The following GPC5 variants were observed in gnomAD, a reference collection of about 807,000 sequenced individuals.
GPC5 encodes the protein glypican-5.
In GPC5, 47 loss-of-function variants were observed where a neutral mutation model predicts 53.9. The observed-to-expected ratio is 0.87, with a 90% confidence interval of 0.69 to 1.11. The LOEUF is 1.11. Among genes scored for constraint, GPC5 ranks in the 50% most tolerant of loss-of-function variants. GPC5 has a pLI of 0.00. For synonymous variants in GPC5, 286 were observed against 263.3 expected (o/e 1.09, Z -0.84); for missense variants, 748 against 713.1 (o/e 1.05, Z -0.56).
chr13:92,649,996 G>A (rs1885901560), intron 7 of GPC5, among the ~76,000 whole-genome samples: 1 of 151,980 alleles, frequency 6.6e-6, no homozygotes, highest in Non-Finnish European at 1.5e-5. Flanking sequence ...AAACCATGTA[G>A]AACTTTAAAT....
chr13:92,721,874 G>T (rs1266089138), intron 7 of GPC5, among the ~76,000 whole-genome samples: 1 of 152,078 alleles, frequency 6.6e-6, no homozygotes, highest in East Asian at 1.9e-4. Flanking sequence ...CTATTTAGGG[G>T]TCATTTCCAT....
chr13:91,516,174 C>G (rs1238993707), intron 2 of GPC5, among the ~76,000 whole-genome samples: 1 of 152,114 alleles, frequency 6.6e-6, no homozygotes, highest in Non-Finnish European at 1.5e-5. Context: ...AGCAGTCCCC[C>G]AAAGTCTTAA....
chr13:92,329,105 G>GAATA (rs2043271528), intron 7 of GPC5, among the ~76,000 whole-genome samples: 1 of 152,088 alleles, frequency 6.6e-6, no homozygotes, highest in Non-Finnish European at 1.5e-5. Context: ...GAGGAGTCAA[G>GAATA]CAGTTATAGT....
intron 7 of GPC5, among the ~76,000 whole-genome samples, chr13:92,438,092 T>C (rs7991869): frequency 0.3 from 45,029 of 151,744 alleles, 7,678 homozygotes; most frequent in East Asian, 0.61. Flanking sequence ...TACAGGGTGG[T>C]GGTCATTGGG....
intron 7 of GPC5, among the ~76,000 whole-genome samples, chr13:92,290,766 G>A (rs979484720): frequency 1.3e-5 from 2 of 152,240 alleles, no homozygotes; most frequent in South Asian, 2.1e-4. Context: ...CGCCTCCTCT[G>A]TCTGGGCTCC....
At chr13:92,616,078 A>G (rs1884682383) in intron 7 of GPC5, among the ~76,000 whole-genome samples, 1 of 152,168 alleles carries the variant, frequency 6.6e-6, no homozygotes, top group South Asian at 2.1e-4. Flanking sequence ...ACAAACAAAC[A>G]AAAAACTTCC....
intron 7 of GPC5, among the ~76,000 whole-genome samples, chr13:92,463,607 A>ATT (rs5805746): frequency 1.4e-4 from 21 of 151,716 alleles, no homozygotes; most frequent in South Asian, 4.2e-4. Flanking sequence ...TTGGAGGAAG[A>ATT]TTTTTTTTTA....
intron 7 of GPC5, among the ~76,000 whole-genome samples, chr13:92,749,223 G>T (rs887461093): frequency 3.9e-5 from 6 of 152,004 alleles, no homozygotes; most frequent in Admixed American, 1.3e-4. Flanking sequence ...AAACAAATTT[G>T]GCAGAGTTTG....
At chr13:92,014,195 A>C (rs2138780173) in intron 6 of GPC5, among the ~76,000 whole-genome samples, 1 of 152,328 alleles carries the variant, frequency 6.6e-6, no homozygotes, top group East Asian at 1.9e-4. Flanking sequence ...ATTATGCATA[A>C]GCCCATGATG....
At chr13:91,868,936 G>A (rs2039113727) in intron 5 of GPC5, among the ~76,000 whole-genome samples, 1 of 152,086 alleles carries the variant, frequency 6.6e-6, no homozygotes, top group South Asian at 2.1e-4. Context: ...TAGGAGAAGA[G>A]GAACATTTCA....
At chr13:91,498,042 A>G (rs1363231997) in intron 2 of GPC5, among the ~76,000 whole-genome samples, 2 of 151,774 alleles carry the variant, frequency 1.3e-5, no homozygotes, top group African/African-American at 4.8e-5. Flanking sequence ...ACCTAGAGTG[A>G]TATTCAAACC....
intron 2 of GPC5, among the ~76,000 whole-genome samples, chr13:91,455,706 C>G (rs1881493067): frequency 6.6e-6 from 1 of 152,096 alleles, no homozygotes; most frequent in East Asian, 1.9e-4. Context: ...TTCTGCACAT[C>G]CCAAGGCTTG....
intron 7 of GPC5, among the ~76,000 whole-genome samples, chr13:92,668,680 A>C (rs572875117): frequency 6.6e-6 from 1 of 152,226 alleles, no homozygotes; most frequent in East Asian, 1.9e-4. Context: ...TAAGGGAAAA[A>C]TACTTTTGAC....
chr13:92,684,970 C>G (rs1463040250), intron 7 of GPC5, among the ~76,000 whole-genome samples: 2 of 152,144 alleles, frequency 1.3e-5, no homozygotes, highest in Non-Finnish European at 2.9e-5. Context: ...TTTTAGTTTG[C>G]AATTTTCTAA....
At chr13:92,235,064 A>G (rs1489053382) in intron 7 of GPC5, among the ~76,000 whole-genome samples, 1 of 152,184 alleles carries the variant, frequency 6.6e-6, no homozygotes. Flanking sequence ...TAAAGTATGA[A>G]GTCAACCAAT....
At chr13:92,527,104 AG>A (rs1439366459) in intron 7 of GPC5, among the ~76,000 whole-genome samples, 1 of 47,478 alleles carries the variant, frequency 2.1e-5, no homozygotes, top group South Asian at 1.0e-3. Flanking sequence ...AGGAAAAGAA[AG>A]AAAAAAGAAA....
Position 91,465,406 on chromosome 13 carries a change from G to A in GPC5, c.325+16484G>A, listed in dbSNP as rs148101496. On this transcript the variant is annotated intron_variant, in intron 2 of 7. Coordinates refer to ENST00000377067, the MANE Select transcript of GPC5 (RefSeq NM_004466.6). ...CCTTTTCCAGAATGTTATGTAAATG[G>A]AATCATACATCATGTAGCCTTCTGT... is the stretch of plus-strand genomic sequence containing the variant. 2.0e-3 allele frequency among the ~76,000 whole-genome samples: 306 copies of A among 152,100 alleles called. 1 individual carries two copies. The highest frequency in any genetic ancestry group is 0.01 in the Middle Eastern group (3 of 294).
intron 2 of GPC5, among the ~76,000 whole-genome samples, chr13:91,624,276 A>G (rs1304033978): frequency 6.6e-6 from 1 of 152,148 alleles, no homozygotes; most frequent in African/African-American, 2.4e-5. Context: ...TGATATTATC[A>G]GACAAAATGG....
chr13:91,927,515 A>G (rs2039780500), intron 6 of GPC5, among the ~76,000 whole-genome samples: 1 of 152,144 alleles, frequency 6.6e-6, no homozygotes, highest in African/African-American at 2.4e-5. Flanking sequence ...AACAAGAGAG[A>G]ACTATTGTAT....
Sources: allele counts gnomAD v4.1 joint callset (sites outside exome capture counted in the v4.1 genomes callset), GRCh38; gene constraint gnomAD v4.1.1; transcripts MANE v1.5; gene names NCBI Gene and HGNC (gene_info 2026-07-23, HGNC 2026-07-21).